ULK4: variants seen among roughly 807,000 people sequenced by gnomAD.
The protein encoded by ULK4 is inactive serine/threonine-protein kinase ULK4.
ULK4 carries 133 observed loss-of-function variants against 160.6 expected under a neutral mutation model. That is an observed-to-expected ratio of 0.83 (90% CI 0.72 to 0.96). ULK4 has a LOEUF of 0.96. Among genes scored for constraint, ULK4 ranks in the 40% least tolerant of loss-of-function variants. The pLI, the probability that ULK4 is intolerant of heterozygous loss-of-function variation, is 0.00. For synonymous variants in ULK4, 534 were observed against 539.8 expected, an observed-to-expected ratio of 0.99 and a Z score of 0.15; for missense variants, 1,580 against 1,499.5, an observed-to-expected ratio of 1.05 and a Z score of -0.89.
chr3:41,710,966 G>A (rs764401181), intron 25 of ULK4, among the ~76,000 whole-genome samples: 1 of 152,098 alleles, frequency 6.6e-6, no homozygotes, highest in African/African-American at 2.4e-5. Context: ...GAGAGGAAAT[G>A]AGCTGAAAAT....
intron 35 of ULK4, among the ~76,000 whole-genome samples, chr3:41,260,648 A>T (rs546236269): frequency 1.3e-5 from 2 of 152,298 alleles, no homozygotes; most frequent in African/African-American, 4.8e-5. Flanking sequence ...TCTGCTGATC[A>T]CCAAGGGTAA....
intron 32 of ULK4, among the ~76,000 whole-genome samples, chr3:41,469,308 C>A (rs1196272380): frequency 6.6e-6 from 1 of 152,130 alleles, no homozygotes; most frequent in Non-Finnish European, 1.5e-5. Context: ...AATTAGCATC[C>A]TGATCACAGC....
chr3:41,456,200 G>A (rs1446882059), intron 33 of ULK4, among the ~76,000 whole-genome samples: 2 of 152,148 alleles, frequency 1.3e-5, no homozygotes, highest in African/African-American at 2.4e-5. Flanking sequence ...GTGAGCCACC[G>A]CGCCCAGCCA....
At chr3:41,923,206 T>C (rs1699257093) in intron 5 of ULK4, among the ~76,000 whole-genome samples, 1 of 151,544 alleles carries the variant, frequency 6.6e-6, no homozygotes, top group South Asian at 2.1e-4. Flanking sequence ...AAAATAAGAA[T>C]CCCTGAACCA....
At chr3:41,767,160 C>T (rs1022540181) in intron 21 of ULK4, among the ~76,000 whole-genome samples, 1 of 152,172 alleles carries the variant, frequency 6.6e-6, no homozygotes, top group Non-Finnish European at 1.5e-5. Context: ...GATTTAAAGA[C>T]ATCCTTTTTG....
Position 41,265,154 on chromosome 3 carries a change from C to T in ULK4, c.3679-15580G>A, listed in dbSNP as rs141269067. Among the ~76,000 whole-genome samples, 33 of 152,316 alleles carry T rather than the reference C, an allele frequency of 2.2e-4. 1 individual carries two copies. The East Asian group carries it at 4.1e-3, about 19-fold the overall frequency. On this transcript the variant is annotated intron_variant, in intron 35 of 36. Transcript: ENST00000301831. Reference sequence around the variant, plus strand: ...AGAATCCTCAGCCTGGACTGGGCACCGAGCCTCAGTCAGGAGGGCAGGTAG... The same window carrying T: ...AGAATCCTCAGCCTGGACTGGGCACTGAGCCTCAGTCAGGAGGGCAGGTAG...
intron 35 of ULK4, among the ~76,000 whole-genome samples, chr3:41,312,008 C>T (rs1040096680): frequency 6.7e-5 from 9 of 135,112 alleles, no homozygotes; most frequent in African/African-American, 3.1e-4. Context: ...GGTTCTTACT[C>T]TGTTGCCCAG....
intron 35 of ULK4, among the ~76,000 whole-genome samples, 161 bp from the exon 36 acceptor site, chr3:41,249,735 C>T (rs2078709986): frequency 6.6e-6 from 1 of 152,138 alleles, no homozygotes; most frequent in Admixed American, 6.5e-5. Context: ...GCGTAACCTC[C>T]CCCACAGAGT....
Position 41,408,427 on chromosome 3 carries a change from CAAAAAAAAAAAA to C in ULK4, c.3493-10175_3493-10164del, listed in dbSNP as rs59444673. Among the ~76,000 whole-genome samples, 6 of 44,118 alleles carry C rather than the reference CAAAAAAAAAAAA, an allele frequency of 1.4e-4. No individual in the cohort carries two copies. The Admixed American group carries it at 1.4e-3, about 10-fold the overall frequency. The allele number at this position is 44,118 out of a possible 152,430, so 28.9% of individuals were successfully genotyped here. On this transcript the variant is annotated intron_variant, in intron 34 of 36. Transcript: ENST00000301831. ...TGGGTGACAAAGTGAGACTCCATCT[CAAAAAAAAAAAA>C]AAAAAAAAAAAAAATTAAAGAGCGT... is the stretch of plus-strand genomic sequence containing the variant.
chr3:41,692,561 A>C (rs1300574674), intron 27 of ULK4, among the ~76,000 whole-genome samples: 1 of 150,402 alleles, frequency 6.6e-6, no homozygotes, highest in Non-Finnish European at 1.5e-5. Context: ...ATATATATTT[A>C]ATGGTATTAA....
intron 19 of ULK4, among the ~76,000 whole-genome samples, chr3:41,814,487 G>A (rs1366417627): frequency 5.9e-5 from 9 of 152,022 alleles, no homozygotes; most frequent in African/African-American, 2.2e-4. Flanking sequence ...TTGGAGAGAT[G>A]TTTTTTCTAC....
intron 35 of ULK4, among the ~76,000 whole-genome samples, chr3:41,303,954 A>G (rs1217786065): frequency 6.6e-6 from 1 of 152,128 alleles, no homozygotes; most frequent in Non-Finnish European, 1.5e-5. Flanking sequence ...AGGTGCCATC[A>G]CTATTGTATT....
rs2272008 is a variant in ULK4, at chr3:41,932,037, A to G, written c.379-31T>C. 3.1e-6 allele frequency: 5 copies of G among 1,599,026 alleles called. No individual in the cohort carries two copies. In the East Asian group the frequency reaches 1.1e-4, roughly 36 times the overall value. Reference sequence around the variant, plus strand: ...AAGATCAAATAAATGTTTTCAGAAAAAAAATCAACTTAATTTGTACATATA... The same window carrying G: ...AAGATCAAATAAATGTTTTCAGAAAGAAAATCAACTTAATTTGTACATATA... On this transcript the variant is annotated intron_variant, in intron 4 of 36. Coordinates refer to ENST00000301831, the MANE Select transcript of ULK4 (RefSeq NM_017886.4).
At chr3:41,591,412 A>G (rs1404988321) in intron 31 of ULK4, among the ~76,000 whole-genome samples, 1 of 152,084 alleles carries the variant, frequency 6.6e-6, no homozygotes, top group African/African-American at 2.4e-5. Context: ...GGGATGTCCA[A>G]TCTTTTGGCT....
intron 35 of ULK4, among the ~76,000 whole-genome samples, chr3:41,345,349 C>T (rs569185718): frequency 6.6e-6 from 1 of 152,244 alleles, no homozygotes; most frequent in African/African-American, 2.4e-5. Flanking sequence ...GCACCATTCA[C>T]AATAGCAAAG....
chr3:41,413,927 G>A (rs573252075), intron 34 of ULK4, among the ~76,000 whole-genome samples: 29 of 152,288 alleles, frequency 1.9e-4, no homozygotes, highest in African/African-American at 6.0e-4. Context: ...ATTTGGGGCT[G>A]GGCACAGTGG....
chr3:41,812,470 C>T (rs2125621609), intron 19 of ULK4, among the ~76,000 whole-genome samples: 1 of 152,122 alleles, frequency 6.6e-6, no homozygotes, highest in East Asian at 1.9e-4. Context: ...AAAAAGAGTA[C>T]AGCAGTATAG....
At chr3:41,636,469 G>C (rs1194583369) in intron 30 of ULK4, among the ~76,000 whole-genome samples, 2 of 151,794 alleles carry the variant, frequency 1.3e-5, no homozygotes, top group Admixed American at 6.6e-5. Flanking sequence ...GGGAGGTTAG[G>C]GCTGCAGCGA....
intron 35 of ULK4, among the ~76,000 whole-genome samples, chr3:41,304,704 C>G (rs1427645835): frequency 2.6e-5 from 4 of 152,234 alleles, no homozygotes; most frequent in Non-Finnish European, 5.9e-5. Context: ...GGCAGTGATA[C>G]TGCAACTATG....
Sources: gnomAD v4.1 joint callset for allele counts (sites outside exome capture counted in the v4.1 genomes callset) on GRCh38, gnomAD v4.1.1 for gene constraint, MANE v1.5 for transcripts, NCBI Gene and HGNC (gene_info 2026-07-23, HGNC 2026-07-21) for gene names.